GRIK5: variants seen among roughly 807,000 people sequenced by gnomAD.
GRIK5 encodes the protein glutamate receptor ionotropic, kainate 5.
GRIK5 carries 43 observed loss-of-function variants against 97.4 expected under a neutral mutation model. The ratio of observed to expected loss-of-function variants is 0.44; its 90% CI spans 0.35 to 0.57. GRIK5 has a LOEUF of 0.57. Ranked by LOEUF, GRIK5 falls within the 20% of genes least tolerant of loss-of-function variation. GRIK5 has a pLI of 0.01. For missense variants in GRIK5, 1,015 were observed against 1,382.0 expected (o/e 0.73, Z 4.21); for synonymous variants, 580 against 583.5 (o/e 0.99, Z 0.09).
At chr19:42,005,656 G>T in intron 17 of GRIK5, 67 bp downstream of exon 17, 1 of 1,148,156 alleles carries the variant, frequency 8.7e-7, no homozygotes, top group Non-Finnish European at 1.3e-6. Context: ...GCCCGGTCCT[G>T]GGCCTGCTCA....
chr19:42,037,037 G>A (rs986024386), intron 12 of GRIK5, among the ~76,000 whole-genome samples: 1 of 152,330 alleles, frequency 6.6e-6, no homozygotes, highest in South Asian at 2.1e-4. Context: ...AGGGTTAGCC[G>A]ACTCCAAAAC....
rs778192027 is a variant in GRIK5, at chr19:42,021,272, C to T, written c.1871+29G>A. On this transcript the variant is annotated intron_variant, in intron 15 of 19. Coordinates refer to ENST00000593562, the MANE Select transcript of GRIK5 (RefSeq NM_002088.5). The surrounding 1 kb of genome is among the most constrained non-coding windows in gnomAD (Gnocchi z 4.2). ...CCTCAGATGGGTCCCTCCCTCGCCC[C>T]GGGCAGAGGCAGATAGAAAGCTTCT... is the stretch of plus-strand genomic sequence containing the variant. 1.3e-5 allele frequency: 20 copies of T among 1,595,846 alleles called. No homozygotes were observed. The highest frequency in any genetic ancestry group is 4.5e-5 in the South Asian group (4 of 89,012).
At chr19:42,019,139 G>A (rs1005401796) in intron 15 of GRIK5, among the ~76,000 whole-genome samples, 3 of 152,084 alleles carry the variant, frequency 2.0e-5, no homozygotes, top group East Asian at 1.9e-4. Flanking sequence ...CTGGCTGGGC[G>A]GCAGAAACAG....
In GRIK5 at chr19:41,999,055, C is replaced by T. The variant is rs1555870198; in HGVS notation, c.2759G>A (p.Arg920Gln). ...LDDPGPPSGARPAAPTPCTHV... is the reference protein window; with the variant it reads ...LDDPGPPSGAQPAAPTPCTHV... ...GGTGCAGGGGGTGGGGGCGGCGGGT[C>T]GGGCTCCGCTGGGGGGCCCCGGGTC... Residue 920 changes from arginine to glutamine, a missense_variant, in exon 20 of 20, where the codon CGA becomes CAA. Transcript: ENST00000593562. This position sits in a 1 kb window ranked among gnomAD's most constrained non-coding sequence, Gnocchi z 5.0. 12 of 934,378 alleles carry T rather than the reference C, an allele frequency of 1.3e-5. No individual in the cohort carries two copies. Among genetic ancestry groups the T allele is most frequent in the Non-Finnish European group, 6.8e-6 (5 of 730,020 alleles). 57.9% of individuals were successfully genotyped at this position (934,378 alleles called of 1,614,324 possible).
chr19:42,055,197 G>C (rs558518326), intron 8 of GRIK5, among the ~76,000 whole-genome samples: 1 of 152,342 alleles, frequency 6.6e-6, no homozygotes, highest in South Asian at 2.1e-4. Flanking sequence ...CACGGTGTCT[G>C]TGTGTGCTTG....
chr19:42,066,416 G>C (rs921590970), intron 1 of GRIK5, among the ~76,000 whole-genome samples: 1 of 150,180 alleles, frequency 6.7e-6, no homozygotes, highest in Admixed American at 6.7e-5. Flanking sequence ...TGGAGAAAAA[G>C]AGAGAGAGGC....
chr19:42,061,051 T>A (rs1435278394), intron 5 of GRIK5, among the ~76,000 whole-genome samples: 1 of 152,206 alleles, frequency 6.6e-6, no homozygotes, highest in South Asian at 2.1e-4. Context: ...TATTTATTTA[T>A]TTATTTATTT....
chr19:42,021,990 G>C lies in GRIK5; in HGVS notation c.1654C>G (p.Leu552Val). 2 of 1,613,998 alleles carry C rather than the reference G, an allele frequency of 1.2e-6. No individual in the cohort carries two copies. Among genetic ancestry groups the C allele is most frequent in the Non-Finnish European group, 1.7e-6 (2 of 1,179,878 alleles). Residue 552 changes from leucine to valine, a missense_variant, in exon 14 of 20, where the codon CTT becomes GTT. By Grantham distance (32) the Leu-to-Val change is conservative. Around this residue, in one of 5 missense-constraint regions of GRIK5, gnomAD observed 477 missense variants for 701.1 expected, o/e 0.68. Transcript: ENST00000593562. The surrounding 1 kb of genome is among the most constrained non-coding windows in gnomAD (Gnocchi z 4.2). ...ACGCAGCTGACAGCCAGGTAGGCAA[G>C]AAGCATGAAGAGCCACACAGCAGGG... ...FSPAVWLFML[L>V]AYLAVSCVLF...
Position 42,062,364 on chromosome 19 carries a change from G to C in GRIK5, c.508+124C>G. On this transcript the variant is annotated intron_variant, in intron 5 of 19. Transcript: ENST00000593562. The surrounding 1 kb of genome is among the most constrained non-coding windows in gnomAD (Gnocchi z 5.3). Reference sequence around the variant, plus strand: ...GCCTCGGTTTCTGAAGATGGGAGAAGAGCCTGGTGCCTGGGTGCCCCAGGG... The same window carrying C: ...GCCTCGGTTTCTGAAGATGGGAGAACAGCCTGGTGCCTGGGTGCCCCAGGG... 1 of 880,840 alleles carries C rather than the reference G, an allele frequency of 1.1e-6. No individual in the cohort carries two copies. Among genetic ancestry groups the C allele is most frequent in the Non-Finnish European group, 1.7e-6 (1 of 578,092 alleles). The allele number at this position is 880,840 out of a possible 1,614,324, so 54.6% of individuals were successfully genotyped here.
At chr19:42,034,865 C>T (rs1275318331) in intron 12 of GRIK5, among the ~76,000 whole-genome samples, 1 of 122,702 alleles carries the variant, frequency 8.1e-6, no homozygotes, top group Non-Finnish European at 1.7e-5. Flanking sequence ...GGGCGGGGGG[C>T]GGGAAGGAGG....
chr19:42,060,208 C>A (rs1001326003), intron 5 of GRIK5, among the ~76,000 whole-genome samples: 10 of 151,696 alleles, frequency 6.6e-5, no homozygotes, highest in African/African-American at 9.7e-5. Flanking sequence ...GAATTCAAGA[C>A]CAGCCTGGCC....
In GRIK5 at chr19:42,022,631, T is replaced by C; in HGVS notation, c.1474-277A>G. 1 of 985,036 alleles carries C rather than the reference T, an allele frequency of 1.0e-6. No individual in the cohort carries two copies. Among genetic ancestry groups the C allele is most frequent in the Non-Finnish European group, 1.2e-6 (1 of 829,838 alleles). The allele number at this position is 985,036 out of a possible 1,614,324, so 61.0% of individuals were successfully genotyped here. On this transcript the variant is annotated intron_variant, in intron 12 of 19. Transcript: ENST00000593562. The surrounding 1 kb of genome is among the most constrained non-coding windows in gnomAD (Gnocchi z 4.2). The stretch of plus-strand genomic sequence containing the variant: ...GTGTCCCAGCATCAAGGGCTGGGGA[T>C]GGAGGGGTTCCCCAAACTCCAATTC...
At chr19:42,024,274 G>A (rs1195798282) in intron 12 of GRIK5, among the ~76,000 whole-genome samples, 97 of 150,426 alleles carry the variant, frequency 6.4e-4, no homozygotes, top group Non-Finnish European at 1.8e-4. Flanking sequence ...GTGCACTGGT[G>A]CAATCTCAGG....
rs757121168 is a variant in GRIK5 at position 42,021,520 on chromosome 19, G to T, written c.1698-46C>A. 12 of 1,452,044 alleles carry T rather than the reference G, an allele frequency of 8.3e-6. No homozygotes were observed. The Admixed American group carries it at 1.9e-4, about 23-fold the overall frequency. The allele number at this position is 1,452,044 out of a possible 1,614,324, so 89.9% of individuals were successfully genotyped here. A position where few individuals can be genotyped will look rare whatever the true frequency, so the allele number is the denominator to read the frequency against. Reference sequence around the variant, plus strand: ...TGTGGATGGGGCCCAGAGCCCAGGTGGGGAGGAAAAGGAAAGAAGCAAAGG... The same window carrying T: ...TGTGGATGGGGCCCAGAGCCCAGGTTGGGAGGAAAAGGAAAGAAGCAAAGG... On this transcript the variant is annotated intron_variant, in intron 14 of 19. Coordinates refer to ENST00000593562, the MANE Select transcript of GRIK5 (RefSeq NM_002088.5). The surrounding 1 kb of genome is among the most constrained non-coding windows in gnomAD (Gnocchi z 4.2).
intron 19 of GRIK5, among the ~76,000 whole-genome samples, chr19:42,000,939 T>C (rs575709533): frequency 6.6e-5 from 10 of 152,278 alleles, no homozygotes; most frequent in Admixed American, 2.0e-4. Flanking sequence ...ACTTTAAACA[T>C]CTTGCAGGCT....
At chr19:42,063,041 T>C (rs1398261140) in intron 3 of GRIK5, among the ~76,000 whole-genome samples, 186 bp from the exon 4 acceptor site, 1 of 152,060 alleles carries the variant, frequency 6.6e-6, no homozygotes, top group Non-Finnish European at 1.5e-5. Flanking sequence ...TGAGGGGGCA[T>C]GAGATGGAGA....
At position 42,003,237 on chromosome 19, in the gene GRIK5, C is replaced by T. The variant is rs548622111; in HGVS notation, c.2514+95G>A. The T allele has an allele frequency of 9.3e-6, 11 of 1,176,846 alleles. No homozygotes were observed. The African/African-American group carries it at 1.3e-4, about 14-fold the overall frequency. 72.9% of individuals were successfully genotyped at this position (1,176,846 alleles called of 1,614,324 possible). ...TCTGCCCCCTTCTCGCGATCCCCAC[C>T]ACCCTCCAGGTATGGCTCCCAATGC... On this transcript the variant is annotated intron_variant, in intron 19 of 19. Coordinates refer to ENST00000593562, the MANE Select transcript of GRIK5 (RefSeq NM_002088.5). The surrounding 1 kb of genome is among the most constrained non-coding windows in gnomAD (Gnocchi z 4.2).
chr19:42,036,270 G>A (rs185390941), intron 12 of GRIK5, among the ~76,000 whole-genome samples: 79 of 151,856 alleles, frequency 5.2e-4, no homozygotes, highest in African/African-American at 1.8e-3. Flanking sequence ...CCATGTTGGC[G>A]GGGCTGGTCT....
Position 42,065,896 on chromosome 19 carries a change from G to A in GRIK5, c.-50-76C>T. ...AACCCCTTGGAGGCCTGCTGGATGG[G>A]GTGGTCACAGAAGCCTTGGGGACAT... On this transcript the variant is annotated intron_variant, in intron 1 of 19. Transcript: ENST00000593562. This position sits in a 1 kb window ranked among gnomAD's most constrained non-coding sequence, Gnocchi z 5.8. 1.4e-6 allele frequency: 1 copy of A among 733,030 alleles called. No homozygotes were observed. Among genetic ancestry groups the A allele is most frequent in the Non-Finnish European group, 2.3e-6 (1 of 431,376 alleles). The allele number at this position is 733,030 out of a possible 1,614,324, so 45.4% of individuals were successfully genotyped here. A position where few individuals can be genotyped will look rare whatever the true frequency, so the allele number is the denominator to read the frequency against.
Sources: allele counts gnomAD v4.1 joint callset (sites outside exome capture counted in the v4.1 genomes callset), GRCh38; gene constraint gnomAD v4.1.1; regional missense constraint gnomAD v4.1.1; non-coding constraint Gnocchi (gnomAD v3.1); transcripts MANE v1.5; gene names NCBI Gene and HGNC (gene_info 2026-07-23, HGNC 2026-07-21).